The following FAM184A variants were observed in gnomAD, a reference collection of about 807,000 sequenced individuals.
The protein encoded by FAM184A is family with sequence similarity 184 member A.
In FAM184A, 99 loss-of-function variants were observed where a neutral mutation model predicts 143.8. The observed-to-expected ratio is 0.69, with a 90% CI of 0.58 to 0.81. The LOEUF is 0.81. Among genes scored for constraint, FAM184A ranks in the 40% least tolerant of loss-of-function variants. The pLI is 0.00. For missense variants in FAM184A, 1,217 were observed against 1,310.5 expected (o/e 0.93, Z 1.10); for synonymous variants, 427 against 446.4 (o/e 0.96, Z 0.55).
chr6:118,992,986 A>G (rs1029758643), intron 9 of FAM184A, among the ~76,000 whole-genome samples: 6 of 152,188 alleles, frequency 3.9e-5, no homozygotes, highest in Non-Finnish European at 7.3e-5. Flanking sequence ...CATCCAATCT[A>G]TGGTATTCTG....
At chr6:119,109,124 T>C (rs199832019) in intron 1 of FAM184A, among the ~76,000 whole-genome samples, 1 of 73,936 alleles carries the variant, frequency 1.4e-5, no homozygotes, top group Non-Finnish European at 2.6e-5. Flanking sequence ...TTCTTGGTCT[T>C]ATTGTTTTCT....
At chr6:118,998,879 C>T (rs1007718742) in intron 9 of FAM184A, among the ~76,000 whole-genome samples, 8 of 152,192 alleles carry the variant, frequency 5.3e-5, no homozygotes, top group Non-Finnish European at 8.8e-5. Flanking sequence ...GGTAGGTAGT[C>T]ACCAGGCATC....
At chr6:118,986,082 A>T (rs1784184056) in intron 9 of FAM184A, among the ~76,000 whole-genome samples, 1 of 152,186 alleles carries the variant, frequency 6.6e-6, no homozygotes, top group South Asian at 2.1e-4. Context: ...TCACGAGGTC[A>T]GGAGATCGAG....
intron 1 of FAM184A, among the ~76,000 whole-genome samples, chr6:119,131,462 T>G (rs1460165520): frequency 6.6e-6 from 1 of 152,182 alleles, no homozygotes; most frequent in African/African-American, 2.4e-5. Flanking sequence ...TTGTTTGCCA[T>G]GTATGGAGGG....
chr6:119,120,325 A>G (rs576569854), intron 1 of FAM184A, among the ~76,000 whole-genome samples: 1 of 152,356 alleles, frequency 6.6e-6, no homozygotes, highest in South Asian at 2.1e-4. Context: ...TCCATGTTTT[A>G]GTACGTATCT....
upstream of FAM184A, among the ~76,000 whole-genome samples, chr6:119,079,894 G>C (rs1788010418): frequency 6.6e-6 from 1 of 152,206 alleles, no homozygotes; most frequent in Admixed American, 6.5e-5. Flanking sequence ...TAGGTACTCA[G>C]TCCCCCTTAA....
Position 118,993,796 on chromosome 6 carries a change from T to C in FAM184A, c.2088+9103A>G, listed in dbSNP as rs576665909. Reference sequence around the variant, plus strand: ...CAATGTTCATTGAGTGACACCTAGCTTGTCCTACCTTAATCTATTCTCCAC... The same window carrying C: ...CAATGTTCATTGAGTGACACCTAGCCTGTCCTACCTTAATCTATTCTCCAC... On this transcript the variant is annotated intron_variant, in intron 9 of 17. Coordinates refer to ENST00000338891, the MANE Select transcript of FAM184A (RefSeq NM_024581.6). Among the ~76,000 whole-genome samples, 8 of 152,366 alleles carry C rather than the reference T, an allele frequency of 5.3e-5. No homozygotes were observed. The East Asian group carries it at 1.3e-3, about 26-fold the overall frequency.
chr6:119,071,500 C>A (rs181870650), intron 1 of FAM184A, among the ~76,000 whole-genome samples: 6 of 152,100 alleles, frequency 3.9e-5, no homozygotes, highest in Admixed American at 3.9e-4. Context: ...ACAAAGTGAC[C>A]AAGTCATAGT....
At chr6:119,087,893 T>C (rs1788266155) in intron 1 of FAM184A, among the ~76,000 whole-genome samples, 1 of 152,224 alleles carries the variant, frequency 6.6e-6, no homozygotes, top group Admixed American at 6.5e-5. Context: ...ATGTGGTATA[T>C]ACAACAGAAT....
intron 1 of FAM184A, among the ~76,000 whole-genome samples, chr6:119,125,300 G>A (rs959412820): frequency 6.6e-6 from 1 of 152,084 alleles, no homozygotes; most frequent in South Asian, 2.1e-4. Flanking sequence ...TTTTTGAGAT[G>A]GAGTCTTGCT....
chr6:119,081,305 G>A (rs912461739), upstream of FAM184A, among the ~76,000 whole-genome samples: 1 of 152,178 alleles, frequency 6.6e-6, no homozygotes, highest in African/African-American at 2.4e-5. Context: ...TGATCCAATT[G>A]AAACAGGAAA....
At chr6:118,984,175 ATATTTATATATATATT>A (rs1204169552) in intron 9 of FAM184A, among the ~76,000 whole-genome samples, 6 of 140,956 alleles carry the variant, frequency 4.3e-5, no homozygotes, top group Non-Finnish European at 6.1e-5. Flanking sequence ...ATATATATAT[ATATTTATATATATATT>A]TATATTTATA....
intron 1 of FAM184A, among the ~76,000 whole-genome samples, chr6:119,064,426 C>T (rs1297901724): frequency 6.6e-6 from 1 of 152,178 alleles, no homozygotes; most frequent in Non-Finnish European, 1.5e-5. Context: ...TGAGGCTGGG[C>T]ATGGTGGCTT....
At chr6:119,028,573 A>G (rs554166430) in intron 1 of FAM184A, among the ~76,000 whole-genome samples, 1 of 152,330 alleles carries the variant, frequency 6.6e-6, no homozygotes, top group Admixed American at 6.5e-5. Context: ...ATTTCTGAAC[A>G]CGTGGAGGTG....
At chr6:118,961,986 G>A (rs1172320581) in intron 16 of FAM184A, 23 bp from the exon 17 acceptor site, 2 of 1,603,330 alleles carry the variant, frequency 1.2e-6, no homozygotes, top group South Asian at 1.1e-5. Context: ...TAATACATGT[G>A]AGGATAGTCC....
intron 11 of FAM184A, among the ~76,000 whole-genome samples, chr6:118,977,911 GT>G (rs1251673483): frequency 2.0e-5 from 3 of 152,042 alleles, no homozygotes; most frequent in Admixed American, 6.5e-5. Flanking sequence ...CAAAATAAAA[GT>G]TTTTTTAAAG....
intron 15 of FAM184A, among the ~76,000 whole-genome samples, chr6:118,965,736 G>A (rs1783482578): frequency 6.6e-6 from 1 of 152,140 alleles, no homozygotes; most frequent in Admixed American, 6.6e-5. Flanking sequence ...GCTCTTCCCT[G>A]GTGAGCTGTG....
intron 14 of FAM184A, among the ~76,000 whole-genome samples, chr6:118,971,019 T>C (rs1460245638): frequency 6.6e-6 from 1 of 152,218 alleles, no homozygotes; most frequent in Admixed American, 6.5e-5. Flanking sequence ...AACAATAGTA[T>C]ATTATGCACA....
At chr6:119,003,133 C>T (rs1403452317) in intron 8 of FAM184A, 84 bp from the exon 9 acceptor site, 1 of 1,202,024 alleles carries the variant, frequency 8.3e-7, no homozygotes, top group African/African-American at 1.5e-5. Context: ...TTTTTAAGCG[C>T]TTAATTAATC....
Sources: gnomAD v4.1 joint callset for allele counts (sites outside exome capture counted in the v4.1 genomes callset) on GRCh38, gnomAD v4.1.1 for gene constraint, MANE v1.5 for transcripts, NCBI Gene and HGNC (gene_info 2026-07-23, HGNC 2026-07-21) for gene names.